Variants in SHISA9 observed in about 807,000 individuals in gnomAD.
SHISA9 encodes the protein shisa family member 9, also known as protein shisa-9.
In SHISA9, 13 loss-of-function variants were observed where a neutral mutation model predicts 38.0. That is an observed-to-expected ratio of 0.34 (90% CI 0.22 to 0.54). The LOEUF is 0.54. Among genes scored for constraint, SHISA9 ranks in the 20% least tolerant of loss-of-function variants. The pLI, the probability that SHISA9 is intolerant of heterozygous loss-of-function variation, is 0.91. For missense variants in SHISA9, 538 were observed against 575.8 expected (o/e 0.93, Z 0.67); for synonymous variants, 275 against 242.0 (o/e 1.14, Z -1.27).
chr16:13,118,313 TG>T (rs2074051392), intron 2 of SHISA9, among the ~76,000 whole-genome samples: 1 of 151,602 alleles, frequency 6.6e-6, no homozygotes. Flanking sequence ...GGGAGGTATG[TG>T]TGTGGGTGTT....
intron 2 of SHISA9, among the ~76,000 whole-genome samples, chr16:12,936,787 A>G (rs1390876282): frequency 6.6e-6 from 1 of 152,024 alleles, no homozygotes; most frequent in Non-Finnish European, 1.5e-5. Context: ...ACGAGACAAG[A>G]CTCTACTGTT....
chr16:13,187,563 G>C (rs1000060965), intron 2 of SHISA9, among the ~76,000 whole-genome samples: 3 of 151,948 alleles, frequency 2.0e-5, no homozygotes, highest in African/African-American at 4.8e-5. Context: ...TCAAACTCCT[G>C]ATGTCTAGTG....
At chr16:13,340,008 G>A in the SHISA9 span, among the ~76,000 whole-genome samples, 1 of 152,064 alleles carries the variant, frequency 6.6e-6, no homozygotes, top group African/African-American at 2.4e-5. Context: ...TTGATGTGGA[G>A]GGCTATAAGA....
At chr16:13,149,038 G>T (rs535604016) in intron 2 of SHISA9, among the ~76,000 whole-genome samples, 1 of 152,138 alleles carries the variant, frequency 6.6e-6, no homozygotes, top group African/African-American at 2.4e-5. Flanking sequence ...GCAGCAGCAG[G>T]TGTTCTAGGC....
At chr16:13,554,590 C>T in the SHISA9 span, among the ~76,000 whole-genome samples, 1 of 149,852 alleles carries the variant, frequency 6.7e-6, no homozygotes, top group Non-Finnish European at 1.5e-5. Context: ...TTCCCAGGTT[C>T]AAGCAATTCT....
chr16:13,459,392 T>A, the SHISA9 span, among the ~76,000 whole-genome samples: 1 of 152,270 alleles, frequency 6.6e-6, no homozygotes, highest in South Asian at 2.1e-4. Context: ...CAAGTCATCA[T>A]GCACAGGACA....
chr16:12,951,039 T>C (rs1369561177), intron 2 of SHISA9, among the ~76,000 whole-genome samples: 2 of 150,046 alleles, frequency 1.3e-5, no homozygotes, highest in Non-Finnish European at 3.0e-5. Context: ...CTGGCCTACA[T>C]GGTGAAACCC....
the SHISA9 span, chr16:13,458,692 G>T: frequency 4.0e-6 from 1 of 249,580 alleles, no homozygotes; most frequent in Non-Finnish European, 8.1e-6. Flanking sequence ...AGATCTTGAG[G>T]ATGTAAAAAA....
chr16:13,464,898 C>T, the SHISA9 span, among the ~76,000 whole-genome samples: 1 of 150,270 alleles, frequency 6.7e-6, no homozygotes. Context: ...TCTAGATAGA[C>T]TTCCATAAAC....
At chr16:13,529,431 C>T in the SHISA9 span, among the ~76,000 whole-genome samples, 2 of 152,110 alleles carry the variant, frequency 1.3e-5, no homozygotes, top group East Asian at 1.9e-4. Context: ...ACCTCTAAAC[C>T]CACCTATGAC....
At chr16:13,071,069 T>A (rs2073507714) in intron 2 of SHISA9, among the ~76,000 whole-genome samples, 1 of 152,228 alleles carries the variant, frequency 6.6e-6, no homozygotes, top group Admixed American at 6.5e-5. Context: ...TTGCTTATCA[T>A]TCAAGAATGA....
intron 2 of SHISA9, among the ~76,000 whole-genome samples, chr16:13,051,289 C>T (rs928238566): frequency 6.6e-6 from 1 of 152,150 alleles, no homozygotes; most frequent in Non-Finnish European, 1.5e-5. Flanking sequence ...AGGGGAACTC[C>T]CATTTATAAA....
In SHISA9 at chr16:13,238,064, C is replaced by T. The variant is rs2051402666; in HGVS notation, c.*2655C>T. On this transcript the variant is annotated 3_prime_UTR_variant, in exon 5 of 5. Coordinates refer to ENST00000558583, the MANE Select transcript of SHISA9 (RefSeq NM_001145204.3). ...GAAACAAGCAGCGATGATTAAATTC[C>T]AGCTGGAGTCTGTTGTCTGTGAGTC... The T allele has an allele frequency of 6.6e-6, 1 of 152,084 alleles. No homozygotes were observed. The highest frequency in any genetic ancestry group is 2.1e-4 in the South Asian group (1 of 4,826). The allele number at this position is 152,084 out of a possible 1,614,324, so 9.4% of individuals were successfully genotyped here. A position where few individuals can be genotyped will look rare whatever the true frequency, so the allele number is the denominator to read the frequency against.
intron 2 of SHISA9, among the ~76,000 whole-genome samples, chr16:13,177,964 G>A (rs1363056605): frequency 3.3e-5 from 5 of 152,168 alleles, no homozygotes; most frequent in South Asian, 2.1e-4. Context: ...CACTGCGCCC[G>A]GCCAGGTTCA....
chr16:13,522,760 T>C, the SHISA9 span, among the ~76,000 whole-genome samples: 1 of 152,176 alleles, frequency 6.6e-6, no homozygotes, highest in South Asian at 2.1e-4. Flanking sequence ...AACCCATCAC[T>C]TTAAATTAGT....
intron 2 of SHISA9, among the ~76,000 whole-genome samples, chr16:13,051,819 C>T (rs376155023): frequency 4.0e-5 from 6 of 151,486 alleles, no homozygotes; most frequent in South Asian, 2.1e-4. Context: ...GGCTGGAGTG[C>T]AGAGGCACGA....
At chr16:12,903,281 AC>A (rs2071045985) in intron 1 of SHISA9, among the ~76,000 whole-genome samples, 1 of 151,994 alleles carries the variant, frequency 6.6e-6, no homozygotes, top group East Asian at 1.9e-4. Flanking sequence ...TTCTCTGGCC[AC>A]CACTTCTCCC....
chr16:13,360,921 T>C, the SHISA9 span, among the ~76,000 whole-genome samples: 1 of 152,162 alleles, frequency 6.6e-6, no homozygotes, highest in African/African-American at 2.4e-5. Flanking sequence ...ACAAGCTCCA[T>C]AATGTCCCCT....
chr16:13,085,654 C>T (rs1012849249), intron 2 of SHISA9, among the ~76,000 whole-genome samples: 3 of 152,226 alleles, frequency 2.0e-5, no homozygotes, highest in South Asian at 4.1e-4. Context: ...GTAGGTGCAC[C>T]GCCTGGGTGT....
Sources: allele counts gnomAD v4.1 joint callset (sites outside exome capture counted in the v4.1 genomes callset), GRCh38; gene constraint gnomAD v4.1.1; transcripts MANE v1.5; gene names NCBI Gene and HGNC (gene_info 2026-07-23, HGNC 2026-07-21).